Variants in CHN1 observed in about 807,000 individuals in gnomAD.
CHN1 encodes N-chimaerin.
In CHN1, 37 loss-of-function variants were observed where a neutral mutation model predicts 59.5. That is an observed-to-expected ratio of 0.62 (90% CI 0.48 to 0.82). CHN1 has a LOEUF of 0.82. Among genes scored for constraint, CHN1 ranks in the 40% least tolerant of loss-of-function variants. The pLI is 0.00. For missense variants in CHN1, 469 were observed against 571.0 expected (o/e 0.82, Z 1.82); for synonymous variants, 206 against 200.4 (o/e 1.03, Z -0.24).
chr2:174,920,639 T>C (rs1054818738), intron 3 of CHN1, among the ~76,000 whole-genome samples: 1 of 152,154 alleles, frequency 6.6e-6, no homozygotes, highest in African/African-American at 2.4e-5. Flanking sequence ...TTCAGCAAAC[T>C]TGATATAGTT....
chr2:174,848,406 T>G (rs1400772479), intron 6 of CHN1, among the ~76,000 whole-genome samples: 2 of 152,146 alleles, frequency 1.3e-5, no homozygotes, highest in Non-Finnish European at 2.9e-5. Context: ...ATACCTACAT[T>G]TTTTCACTAA....
chr2:174,956,892 C>T (rs888969897), intron 1 of CHN1, among the ~76,000 whole-genome samples: 24 of 152,140 alleles, frequency 1.6e-4, no homozygotes, highest in Admixed American at 1.4e-3. Context: ...GAAGTTACCT[C>T]GAACACTGAA....
At chr2:174,819,015 G>GT (rs147698698) in intron 8 of CHN1, among the ~76,000 whole-genome samples, 5 of 151,700 alleles carry the variant, frequency 3.3e-5, no homozygotes, top group African/African-American at 4.8e-5. Context: ...AACATATCTC[G>GT]TTTTTTTTCC....
At chr2:174,967,220 T>C (rs1690618848) in intron 1 of CHN1, among the ~76,000 whole-genome samples, 1 of 152,002 alleles carries the variant, frequency 6.6e-6, no homozygotes, top group Non-Finnish European at 1.5e-5. Context: ...GGCATGCATC[T>C]GTAGTCCCAG....
At chr2:174,968,475 T>C (rs1690658223) in intron 1 of CHN1, among the ~76,000 whole-genome samples, 1 of 152,266 alleles carries the variant, frequency 6.6e-6, no homozygotes, top group African/African-American at 2.4e-5. Context: ...GCACGTTAAC[T>C]ATCCTAAAGT....
intron 1 of CHN1, among the ~76,000 whole-genome samples, chr2:174,954,685 GA>G (rs1469974763): frequency 6.6e-6 from 1 of 151,884 alleles, no homozygotes; most frequent in Non-Finnish European, 1.5e-5. Flanking sequence ...CAACAAACAT[GA>G]AAAAATGTTC....
At chr2:174,860,151 C>G (rs1156272661) in intron 6 of CHN1, among the ~76,000 whole-genome samples, 1 of 152,064 alleles carries the variant, frequency 6.6e-6, no homozygotes, top group South Asian at 2.1e-4. Flanking sequence ...ATCAATAAAA[C>G]TACCTCCAAA....
chr2:174,847,568 G>C (rs1386912486), intron 6 of CHN1: 1 of 1,270,858 alleles, frequency 7.9e-7, no homozygotes, highest in African/African-American at 1.5e-5. Context: ...TCAGTTTCTA[G>C]CAACAGACAC....
chr2:174,945,262 C>A, intron 2 of CHN1: 1 of 416,648 alleles, frequency 2.4e-6, no homozygotes, highest in Non-Finnish European at 4.9e-6. Context: ...TAAAGGATGT[C>A]TATGATATAA....
chr2:174,956,009 C>T (rs1690192141), intron 1 of CHN1, among the ~76,000 whole-genome samples: 1 of 152,152 alleles, frequency 6.6e-6, no homozygotes, highest in Non-Finnish European at 1.5e-5. Context: ...AACAAATCTG[C>T]ACATGTATCC....
At chr2:174,826,807 C>G (rs1685696728) in intron 7 of CHN1, among the ~76,000 whole-genome samples, 1 of 152,130 alleles carries the variant, frequency 6.6e-6, no homozygotes, top group Non-Finnish European at 1.5e-5. Flanking sequence ...CGAGCAGACC[C>G]CATGTTCTCC....
chr2:174,921,066 G>A (rs1286935588), intron 3 of CHN1: 5 of 392,816 alleles, frequency 1.3e-5, no homozygotes, highest in African/African-American at 4.0e-5. Flanking sequence ...CAGAGCTCAG[G>A]CAATAATGTG....
At chr2:174,974,010 T>C (rs925077871) in intron 1 of CHN1, among the ~76,000 whole-genome samples, 2 of 152,178 alleles carry the variant, frequency 1.3e-5, no homozygotes, top group Non-Finnish European at 2.9e-5. Context: ...CAAGATATCA[T>C]ACTTTAAAGA....
intron 5 of CHN1, among the ~76,000 whole-genome samples, chr2:174,881,835 A>C (rs961793406): frequency 1.3e-5 from 2 of 152,176 alleles, no homozygotes; most frequent in Admixed American, 1.3e-4. Flanking sequence ...AACAGAGTGC[A>C]AATCGGGTAG....
intron 8 of CHN1, among the ~76,000 whole-genome samples, chr2:174,818,835 G>C (rs1685372725): frequency 6.6e-6 from 1 of 152,010 alleles, no homozygotes; most frequent in African/African-American, 2.4e-5. Flanking sequence ...TAAAACACAG[G>C]TTTTATATCT....
chr2:174,962,825 G>C (rs1484134924), intron 1 of CHN1, among the ~76,000 whole-genome samples: 1 of 152,112 alleles, frequency 6.6e-6, no homozygotes, highest in African/African-American at 2.4e-5. Flanking sequence ...CAGGAGAATT[G>C]CTTGAACCAG....
At chr2:174,964,796 T>C (rs752845082) in intron 1 of CHN1, among the ~76,000 whole-genome samples, 12 of 152,198 alleles carry the variant, frequency 7.9e-5, no homozygotes, top group Non-Finnish European at 1.8e-4. Context: ...GAATTGCAAG[T>C]CAAGAAAACC....
At chr2:174,921,605 T>C (rs1321922633) in intron 3 of CHN1, among the ~76,000 whole-genome samples, 1 of 151,778 alleles carries the variant, frequency 6.6e-6, no homozygotes, top group Non-Finnish European at 1.5e-5. Context: ...GTGATGAAAC[T>C]GGGTAATTTA....
In CHN1 at chr2:174,994,496, G is replaced by GA. The variant is rs547731343; in HGVS notation, c.19+10397dup. On this transcript the variant is annotated intron_variant, in intron 1 of 12. Transcript: ENST00000409900. ...CTGTGGCGGTTGTTAAATATACAAA[G>GA]AAAAAAACCTATAGCTTTCCCATTA... 3.7e-3 allele frequency among the ~76,000 whole-genome samples: 570 copies of GA among 152,058 alleles called. 4 individuals carry two copies. The highest frequency in any genetic ancestry group is 0.013 in the African/African-American group (546 of 41,482).
Sources: allele counts gnomAD v4.1 joint callset (sites outside exome capture counted in the v4.1 genomes callset), GRCh38; gene constraint gnomAD v4.1.1; transcripts MANE v1.5; gene names NCBI Gene and HGNC (gene_info 2026-07-23, HGNC 2026-07-21).